Variants in CSTL1 observed in about 807,000 individuals in gnomAD.
CSTL1 encodes the protein cystatin-like 1.
A neutral mutation model predicts 14.4 loss-of-function variants in CSTL1; 14 were observed. That is an observed-to-expected ratio of 0.97 (90% CI 0.64 to 1.52). The LOEUF is 1.52. Among genes scored for constraint, CSTL1 ranks in the 40% most tolerant of loss-of-function variants. CSTL1 has a pLI of 0.00. For missense variants in CSTL1, 170 were observed against 168.7 expected (o/e 1.01, Z -0.04); for synonymous variants, 72 against 67.5 (o/e 1.07, Z -0.33).
chr20:23,443,028 A>G (rs1243105179), intron 2 of CSTL1, among the ~76,000 whole-genome samples: 1 of 152,208 alleles, frequency 6.6e-6, no homozygotes. Flanking sequence ...ATCACAAGTG[A>G]AAGAGCCATG....
intron 2 of CSTL1, among the ~76,000 whole-genome samples, chr20:23,442,778 C>A (rs1013273525): frequency 6.6e-6 from 1 of 152,170 alleles, no homozygotes; most frequent in Non-Finnish European, 1.5e-5. Context: ...CAGAGATGAC[C>A]AAGCCCTCTC....
downstream of CSTL1, among the ~76,000 whole-genome samples, chr20:23,448,650 G>T (rs536834185): frequency 4.6e-5 from 7 of 152,326 alleles, no homozygotes; most frequent in Non-Finnish European, 8.8e-5. Context: ...CGTTGGCTGA[G>T]AAATCCAAGA....
downstream of CSTL1, among the ~76,000 whole-genome samples, chr20:23,447,995 T>C (rs1987002176): frequency 6.6e-6 from 1 of 152,222 alleles, no homozygotes; most frequent in Non-Finnish European, 1.5e-5. Context: ...TATCTTTTTT[T>C]TGCTTTCCAA....
chr20:23,451,935 C>T, the CSTL1 span: 84 of 1,595,656 alleles, frequency 5.3e-5, 1 homozygote, highest in South Asian at 6.8e-4. Flanking sequence ...GGGCGCCAGG[C>T]GTGGGGGAGG....
chr20:23,452,981 G>A, the CSTL1 span: 4 of 608,032 alleles, frequency 6.6e-6, no homozygotes, highest in East Asian at 2.7e-5. Context: ...CGAGGGGAGA[G>A]CAGCAAGAGA....
chr20:23,450,572 G>A, the CSTL1 span: 1 of 1,609,538 alleles, frequency 6.2e-7, no homozygotes, highest in Non-Finnish European at 8.5e-7. Context: ...CAAACACTGA[G>A]AAGAAGCAGT....
At chr20:23,451,812 A>G in the CSTL1 span, 4 of 1,611,716 alleles carry the variant, frequency 2.5e-6, no homozygotes, top group Non-Finnish European at 3.4e-6. Context: ...CTTTTACCCA[A>G]TACCTTGTGA....
the CSTL1 span, among the ~76,000 whole-genome samples, chr20:23,458,213 C>A: frequency 6.6e-6 from 1 of 152,178 alleles, no homozygotes. Flanking sequence ...AGAAAGACTT[C>A]CTCTCAACCT....
At chr20:23,454,404 A>ACC in the CSTL1 span, among the ~76,000 whole-genome samples, 1 of 151,420 alleles carries the variant, frequency 6.6e-6, no homozygotes, top group Admixed American at 6.6e-5. Flanking sequence ...ACATAGACAC[A>ACC]CCCCCCCACG....
chr20:23,440,934 T>C (rs564232982), intron 2 of CSTL1: 5 of 252,034 alleles, frequency 2.0e-5, no homozygotes, highest in Non-Finnish European at 3.9e-5. Flanking sequence ...ATTTTTTGTA[T>C]TTTTAGTAGA....
At chr20:23,454,135 C>T in the CSTL1 span, among the ~76,000 whole-genome samples, 2 of 151,582 alleles carry the variant, frequency 1.3e-5, no homozygotes, top group Non-Finnish European at 2.9e-5. Flanking sequence ...TACATGTACA[C>T]AACCACACTC....
At chr20:23,445,451 A>G (rs1042316961), downstream of CSTL1, among the ~76,000 whole-genome samples, 1 of 151,900 alleles carries the variant, frequency 6.6e-6, no homozygotes, top group Admixed American at 6.6e-5. Flanking sequence ...TGGAGACAAT[A>G]TCTCCCTTTC....
chr20:23,448,424 C>A (rs955962931), downstream of CSTL1, among the ~76,000 whole-genome samples: 3 of 152,148 alleles, frequency 2.0e-5, no homozygotes, highest in African/African-American at 7.2e-5. Flanking sequence ...GTGTCTTGAG[C>A]ATGGTGCTGG....
At chr20:23,453,374 C>T in the CSTL1 span, among the ~76,000 whole-genome samples, 4 of 152,098 alleles carry the variant, frequency 2.6e-5, no homozygotes, top group African/African-American at 7.2e-5. Flanking sequence ...ACTCTGACAC[C>T]GACGATTCCC....
chr20:23,453,022 C>T, the CSTL1 span, among the ~76,000 whole-genome samples: 2 of 151,808 alleles, frequency 1.3e-5, no homozygotes, highest in Admixed American at 6.6e-5. Context: ...AAGTTCATGC[C>T]ACACACACAC....
At chr20:23,451,818 T>C in the CSTL1 span, 2 of 1,613,078 alleles carry the variant, frequency 1.2e-6, no homozygotes, top group East Asian at 2.2e-5. Flanking sequence ...CCCAATACCT[T>C]GTGAAGCTCC....
At chr20:23,451,967 C>A in the CSTL1 span, 10 of 1,457,628 alleles carry the variant, frequency 6.9e-6, no homozygotes, top group South Asian at 1.1e-5. Flanking sequence ...CCCTTCTCCC[C>A]TGTCTGCGGT....
At chr20:23,445,218 CCTTT>C (rs970268441), downstream of CSTL1, among the ~76,000 whole-genome samples, 16 of 150,844 alleles carry the variant, frequency 1.1e-4, no homozygotes, top group South Asian at 8.4e-4. Flanking sequence ...TCTTTCTTTT[CCTTT>C]CTTTCTTTCT....
the CSTL1 span, among the ~76,000 whole-genome samples, chr20:23,453,210 C>G: frequency 6.7e-6 from 1 of 150,140 alleles, no homozygotes; most frequent in South Asian, 2.1e-4. Flanking sequence ...CATAGGTGAG[C>G]AGTGGGGGGT....
Sources: gnomAD v4.1 joint callset for allele counts (sites outside exome capture counted in the v4.1 genomes callset) on GRCh38, gnomAD v4.1.1 for gene constraint, MANE v1.5 for transcripts, NCBI Gene and HGNC (gene_info 2026-07-23, HGNC 2026-07-21) for gene names.